The following PAG1 variants were observed in gnomAD, a reference collection of about 807,000 sequenced individuals.
PAG1 encodes phosphoprotein membrane anchor with glycosphingolipid microdomains 1.
In PAG1, 23 loss-of-function variants were observed where a neutral mutation model predicts 31.7. The observed-to-expected ratio is 0.73, with a 90% CI of 0.52 to 1.03. The LOEUF is 1.03. PAG1 is among the 50% of genes least tolerant of loss of function. The pLI, the probability that PAG1 is intolerant of heterozygous loss-of-function variation, is 0.00. For synonymous variants in PAG1, 214 were observed against 210.3 expected (o/e 1.02, Z -0.15); for missense variants, 473 against 540.7 (o/e 0.87, Z 1.24).
chr8:81,086,515 G>GCT (rs1439466219), intron 1 of PAG1, among the ~76,000 whole-genome samples: 3 of 151,524 alleles, frequency 2.0e-5, no homozygotes, highest in African/African-American at 7.3e-5. Context: ...GCGCGCGCGT[G>GCT]TGTGTGTGTG....
chr8:80,985,679 TG>T (rs1807404139), intron 6 of PAG1, among the ~76,000 whole-genome samples: 2 of 152,302 alleles, frequency 1.3e-5, no homozygotes, highest in South Asian at 4.2e-4. Flanking sequence ...GATTGTCCAA[TG>T]TGACCAGAAG....
chr8:81,098,593 T>C (rs1809563734), intron 1 of PAG1, among the ~76,000 whole-genome samples: 1 of 152,162 alleles, frequency 6.6e-6, no homozygotes, highest in Admixed American at 6.5e-5. Context: ...TCTCCATGGG[T>C]ATCTTTTTGA....
chr8:81,068,048 C>A (rs1297510798), intron 2 of PAG1, among the ~76,000 whole-genome samples: 1 of 152,186 alleles, frequency 6.6e-6, no homozygotes, highest in Admixed American at 6.5e-5. Flanking sequence ...GGGTGTGCAA[C>A]ACCATGTCCG....
At chr8:81,087,338 T>C (rs1291673043) in intron 1 of PAG1, among the ~76,000 whole-genome samples, 3 of 98,142 alleles carry the variant, frequency 3.1e-5, no homozygotes, top group African/African-American at 5.0e-5. Flanking sequence ...TGAGACTCTG[T>C]CTCAAAAAAA....
At position 80,980,504 on chromosome 8, in the gene PAG1, C is replaced by A. The variant is rs1226599329; in HGVS notation, c.877-10G>T. On this transcript the variant is annotated splice_polypyrimidine_tract_variant and intron_variant, in intron 7 of 8. Coordinates refer to ENST00000220597, the MANE Select transcript of PAG1 (RefSeq NM_018440.4). ...ACAATGAGCTAAATCTCTGTCAGAACAAACACAAGCCAAGGAAAGTAATTC... is the reference window on the plus strand; with the variant it reads ...ACAATGAGCTAAATCTCTGTCAGAAAAAACACAAGCCAAGGAAAGTAATTC... 4.4e-6 allele frequency: 7 copies of A among 1,579,176 alleles called. No individual in the cohort carries two copies. Among genetic ancestry groups the A allele is most frequent in the Non-Finnish European group, 6.1e-6 (7 of 1,149,180 alleles).
In PAG1 at chr8:81,085,023, T is replaced by C. The variant is rs371451798; in HGVS notation, c.-233-14853A>G. Among the ~76,000 whole-genome samples, 17 of 152,300 alleles carry C rather than the reference T, an allele frequency of 1.1e-4. 2 individuals are homozygous for C. Among genetic ancestry groups the C allele is most frequent in the Admixed American group, 3.3e-4 (5 of 15,298 alleles). ...CAATGAAGGGCAAGAAATGTATAAA[T>C]ACAAATACTCTTCAAATTGATGAAC... On this transcript the variant is annotated intron_variant, in intron 1 of 8. Coordinates refer to ENST00000220597, the MANE Select transcript of PAG1 (RefSeq NM_018440.4).
intron 2 of PAG1, among the ~76,000 whole-genome samples, chr8:81,034,551 C>T (rs1242925657): frequency 3.9e-5 from 6 of 152,168 alleles, no homozygotes; most frequent in Non-Finnish European, 8.8e-5. Context: ...ATGCTGAATT[C>T]CCTGCCACAA....
chr8:81,053,676 C>G (rs1808768756), intron 2 of PAG1, among the ~76,000 whole-genome samples: 1 of 152,090 alleles, frequency 6.6e-6, no homozygotes, highest in African/African-American at 2.4e-5. Flanking sequence ...GGAGATACAC[C>G]TTGGGCATAT....
intron 5 of PAG1, among the ~76,000 whole-genome samples, chr8:80,987,985 G>T (rs953997365): frequency 6.6e-6 from 1 of 152,132 alleles, no homozygotes; most frequent in Admixed American, 6.5e-5. Flanking sequence ...CACATTTCAA[G>T]CGCTCAATAG....
At chr8:80,982,055 G>A (rs1383653633) in intron 7 of PAG1, among the ~76,000 whole-genome samples, 1 of 151,624 alleles carries the variant, frequency 6.6e-6, no homozygotes, top group East Asian at 1.9e-4. Context: ...TTGTAGAGAC[G>A]GGGTGCTGCT....
At chr8:81,047,629 T>C (rs1236063970) in intron 2 of PAG1, among the ~76,000 whole-genome samples, 2 of 152,220 alleles carry the variant, frequency 1.3e-5, no homozygotes, top group African/African-American at 2.4e-5. Context: ...TCCACTCAGA[T>C]GGACACACAC....
chr8:81,079,847 T>C (rs60433241), intron 1 of PAG1, among the ~76,000 whole-genome samples: 13,146 of 151,984 alleles, frequency 0.086, 1,527 homozygotes, highest in African/African-American at 0.26. Context: ...TGGCTCACTA[T>C]AGCCTCAACC....
At chr8:81,037,521 G>T (rs1808480921) in intron 2 of PAG1, among the ~76,000 whole-genome samples, 1 of 152,164 alleles carries the variant, frequency 6.6e-6, no homozygotes, top group Admixed American at 6.5e-5. Context: ...TGTTGGCACA[G>T]AATAGAATAG....
At chr8:80,988,522 A>ATGAT (rs2130460911) in intron 5 of PAG1, among the ~76,000 whole-genome samples, 1 of 152,240 alleles carries the variant, frequency 6.6e-6, no homozygotes, top group East Asian at 1.9e-4. Context: ...GTGCAGTAGC[A>ATGAT]TGATTATAGC....
intron 2 of PAG1, among the ~76,000 whole-genome samples, chr8:81,065,091 G>T (rs917472172): frequency 3.3e-5 from 5 of 152,116 alleles, no homozygotes; most frequent in Admixed American, 6.5e-5. Context: ...GCTGCTCTTG[G>T]GGGGAGGCGC....
At chr8:81,012,531 T>C (rs1808002812) in intron 3 of PAG1, among the ~76,000 whole-genome samples, 1 of 152,256 alleles carries the variant, frequency 6.6e-6, no homozygotes, top group Admixed American at 6.5e-5. Flanking sequence ...TAACTCCTTT[T>C]GCTGCTTCCC....
chr8:81,080,576 T>G (rs1240744572), intron 1 of PAG1, among the ~76,000 whole-genome samples: 1 of 152,118 alleles, frequency 6.6e-6, no homozygotes, highest in African/African-American at 2.4e-5. Flanking sequence ...AAAGAGGCTG[T>G]AAGAGGCAGT....
chr8:81,070,505 A>G (rs1284763948), intron 1 of PAG1, among the ~76,000 whole-genome samples: 1 of 152,164 alleles, frequency 6.6e-6, no homozygotes, highest in Non-Finnish European at 1.5e-5. Context: ...TTCTAACTCA[A>G]TCCCACCAAT....
intron 2 of PAG1, among the ~76,000 whole-genome samples, chr8:81,062,288 C>A (rs1040632038): frequency 1.3e-5 from 2 of 152,240 alleles, no homozygotes; most frequent in Non-Finnish European, 2.9e-5. Context: ...ACACTAAACT[C>A]CTTGCATTCA....
Sources: gnomAD v4.1 joint callset for allele counts (sites outside exome capture counted in the v4.1 genomes callset) on GRCh38, gnomAD v4.1.1 for gene constraint, MANE v1.5 for transcripts, NCBI Gene and HGNC (gene_info 2026-07-23, HGNC 2026-07-21) for gene names.